SIPA1L2: variants seen among roughly 807,000 people sequenced by gnomAD.
SIPA1L2 encodes the protein signal induced proliferation associated 1 like 2.
A neutral mutation model predicts 163.9 loss-of-function variants in SIPA1L2; 56 were observed. That is an observed-to-expected ratio of 0.34 (90% CI 0.28 to 0.43). The LOEUF (loss-of-function observed/expected upper bound fraction) is 0.43. SIPA1L2 is among the 20% of genes least tolerant of loss of function. The pLI is 1.00. For synonymous variants in SIPA1L2, 877 were observed against 865.7 expected (o/e 1.01, Z -0.23); for missense variants, 1,974 against 2,193.5 (o/e 0.90, Z 2.00).
intron 3 of SIPA1L2, among the ~76,000 whole-genome samples, chr1:232,502,235 G>A (rs1346244778): frequency 1.3e-5 from 2 of 152,150 alleles, no homozygotes; most frequent in African/African-American, 4.8e-5. Flanking sequence ...ATTGACCTGG[G>A]AGGGGTATTA....
intron 3 of SIPA1L2, among the ~76,000 whole-genome samples, chr1:232,509,694 T>G (rs1049397085): frequency 2.0e-5 from 3 of 152,208 alleles, no homozygotes; most frequent in Admixed American, 6.5e-5. Flanking sequence ...ACTTTTCACT[T>G]AAGAATCTGG....
chr1:232,457,418 T>A (rs556084431), intron 10 of SIPA1L2, among the ~76,000 whole-genome samples: 2 of 152,318 alleles, frequency 1.3e-5, no homozygotes, highest in South Asian at 4.1e-4. Flanking sequence ...ATTTTTGTAG[T>A]CTTCATAGTG....
intron 3 of SIPA1L2, among the ~76,000 whole-genome samples, chr1:232,496,166 A>G (rs899986539): frequency 1.3e-5 from 2 of 152,220 alleles, no homozygotes; most frequent in Admixed American, 6.5e-5. Context: ...TAAGTGCCCT[A>G]TACAGGTGTA....
intron 1 of SIPA1L2, among the ~76,000 whole-genome samples, chr1:232,618,858 T>A (rs1325093758): frequency 6.6e-6 from 1 of 152,184 alleles, no homozygotes; most frequent in African/African-American, 2.4e-5. Flanking sequence ...CATTTATATC[T>A]CTGTATATCC....
chr1:232,499,460 C>T (rs1666356474), intron 3 of SIPA1L2, among the ~76,000 whole-genome samples: 1 of 152,212 alleles, frequency 6.6e-6, no homozygotes, highest in Non-Finnish European at 1.5e-5. Context: ...AAGCAAAAGC[C>T]TAATCCAGAG....
At chr1:232,551,544 T>C (rs1658380822) in intron 2 of SIPA1L2, among the ~76,000 whole-genome samples, 1 of 152,162 alleles carries the variant, frequency 6.6e-6, no homozygotes, top group Admixed American at 6.5e-5. Flanking sequence ...GCAGTAGTAC[T>C]CCCAAGAAGA....
Position 232,515,207 on chromosome 1 carries a change from T to C in SIPA1L2, c.133A>G (p.Met45Val), listed in dbSNP as rs1195083505. ...GCATTTAAAGAAGTAGTGGGTCCCA[T>C]GTTGCCATTAATGGCTTTAAATTTC... ...ARKFKAINGN[M>V]GPTTSLNASN... Residue 45 changes from methionine to valine, a missense_variant, in exon 3 of 23, where the codon ATG (methionine) becomes GTG (valine). Met to Val is a conservative substitution (Grantham distance 21). Coordinates refer to ENST00000674635, the MANE Select transcript of SIPA1L2 (RefSeq NM_020808.5). 3.1e-6 allele frequency: 5 copies of C among 1,614,064 alleles called. No homozygotes were observed. Among genetic ancestry groups the C allele is most frequent in the African/African-American group, 1.3e-5 (1 of 74,940 alleles).
intron 2 of SIPA1L2, among the ~76,000 whole-genome samples, chr1:232,534,203 T>C (rs1348698187): frequency 2.0e-5 from 3 of 151,896 alleles, no homozygotes; most frequent in African/African-American, 7.3e-5. Context: ...TAAAGACCAA[T>C]GGAATAGAAG....
At chr1:232,470,623 G>A (rs981879927) in intron 8 of SIPA1L2, among the ~76,000 whole-genome samples, 8 of 152,130 alleles carry the variant, frequency 5.3e-5, no homozygotes, top group Non-Finnish European at 1.2e-4. Flanking sequence ...ATGAATGTCA[G>A]GAACTCCAAT....
chr1:232,626,776 C>A (rs1320847003), intron 1 of SIPA1L2, among the ~76,000 whole-genome samples: 1 of 152,158 alleles, frequency 6.6e-6, no homozygotes, highest in African/African-American at 2.4e-5. Context: ...ACATCCCAGT[C>A]AGACAGGCAT....
chr1:232,579,913 C>T (rs919574237), intron 1 of SIPA1L2, among the ~76,000 whole-genome samples: 6 of 152,060 alleles, frequency 3.9e-5, no homozygotes, highest in African/African-American at 1.2e-4. Flanking sequence ...AAAGGGATCC[C>T]GATCCAGACC....
intron 19 of SIPA1L2, among the ~76,000 whole-genome samples, chr1:232,410,792 T>C (rs1340231951): frequency 6.6e-6 from 1 of 152,138 alleles, no homozygotes; most frequent in Non-Finnish European, 1.5e-5. Flanking sequence ...CGTTCCTTAG[T>C]AATTAAAAAA....
rs759946739 is a variant in SIPA1L2, at chr1:232,490,947, C to T, written c.1733G>A (p.Ser578Asn). Residue 578 changes from serine to asparagine, a missense_variant, in exon 5 of 23, where the codon AGC (serine) becomes AAC (asparagine). By Grantham distance (46) the Ser-to-Asn change is conservative. This residue lies in a region of SIPA1L2 where 288 missense variants were observed against 418.9 expected (regional missense o/e 0.69). Coordinates refer to ENST00000674635, the MANE Select transcript of SIPA1L2 (RefSeq NM_020808.5). ...GGAAGCCTGTCGCAAACACTGAATG[C>T]TCAGCTCTGGAATGACGTATTCCAA... Reference protein sequence around the residue: ...EVLEYVIPELSIQCLRQASNS... With the variant: ...EVLEYVIPELNIQCLRQASNS... 4.3e-6 allele frequency: 7 copies of T among 1,614,160 alleles called. No individual in the cohort carries two copies. The South Asian group carries it at 5.5e-5, about 13-fold the overall frequency.
intron 3 of SIPA1L2, among the ~76,000 whole-genome samples, chr1:232,511,510 C>A (rs942200536): frequency 6.6e-6 from 1 of 152,194 alleles, no homozygotes; most frequent in African/African-American, 2.4e-5. Context: ...GATGCAAAAA[C>A]AGGAGGGGGA....
intron 6 of SIPA1L2, among the ~76,000 whole-genome samples, chr1:232,482,139 G>A (rs556582162): frequency 2.2e-4 from 34 of 152,202 alleles, no homozygotes; most frequent in African/African-American, 8.2e-4. Context: ...TCATCTCCTT[G>A]AGCTAAGGTG....
At chr1:232,444,075 A>G (rs1476396369) in intron 11 of SIPA1L2, among the ~76,000 whole-genome samples, 2 of 152,240 alleles carry the variant, frequency 1.3e-5, no homozygotes, top group East Asian at 1.9e-4. Context: ...TTTTAGTTCT[A>G]TACTTAAAAC....
At chr1:232,576,212 T>C (rs1228542184) in intron 1 of SIPA1L2, among the ~76,000 whole-genome samples, 1 of 152,204 alleles carries the variant, frequency 6.6e-6, no homozygotes, top group East Asian at 1.9e-4. Flanking sequence ...CACTGTGTCT[T>C]TTATAGACTG....
intron 11 of SIPA1L2, among the ~76,000 whole-genome samples, chr1:232,444,670 A>C (rs1255202448): frequency 1.3e-5 from 2 of 152,218 alleles, no homozygotes; most frequent in African/African-American, 4.8e-5. Flanking sequence ...AGCATTTTAC[A>C]TACATTGACC....
At chr1:232,457,641 G>C (rs1558192070) in intron 10 of SIPA1L2, among the ~76,000 whole-genome samples, 2 of 152,170 alleles carry the variant, frequency 1.3e-5, no homozygotes, top group Admixed American at 1.3e-4. Context: ...TTGCTATATG[G>C]TTAACAGTAC....
Sources: allele counts gnomAD v4.1 joint callset (sites outside exome capture counted in the v4.1 genomes callset), GRCh38; gene constraint gnomAD v4.1.1; regional missense constraint gnomAD v4.1.1; transcripts MANE v1.5; gene names NCBI Gene and HGNC (gene_info 2026-07-23, HGNC 2026-07-21).